PHTF2: variants seen among roughly 807,000 people sequenced by gnomAD.
PHTF2 encodes the protein putative homeodomain transcription factor 2, also known as protein PHTF2.
In PHTF2, 60 loss-of-function variants were observed where a neutral mutation model predicts 101.2. The observed-to-expected ratio is 0.59, with a 90% CI of 0.48 to 0.73. The LOEUF is 0.73. Ranked by LOEUF, PHTF2 falls within the 30% of genes least tolerant of loss-of-function variation. The pLI is 0.00. For synonymous variants in PHTF2, 311 were observed against 307.3 expected (o/e 1.01, Z -0.13); for missense variants, 747 against 908.7 (o/e 0.82, Z 2.29).
At chr7:77,820,356 T>G (rs941275044) in intron 1 of PHTF2, among the ~76,000 whole-genome samples, 4 of 152,156 alleles carry the variant, frequency 2.6e-5, no homozygotes, top group African/African-American at 9.7e-5. Context: ...TTTTGTTTTA[T>G]TCTGTTTTGT....
At chr7:77,854,255 A>G (rs1265551012) in intron 2 of PHTF2, among the ~76,000 whole-genome samples, 4 of 152,074 alleles carry the variant, frequency 2.6e-5, no homozygotes, top group Admixed American at 2.6e-4. Context: ...GACTCCCTGG[A>G]TTGTCAGGGA....
chr7:77,819,043 A>G (rs1344642200), intron 1 of PHTF2, among the ~76,000 whole-genome samples: 1 of 151,596 alleles, frequency 6.6e-6, no homozygotes, highest in Non-Finnish European at 1.5e-5. Flanking sequence ...CAGCTAGTTG[A>G]TTGTTTGTGT....
chr7:77,893,952 C>G (rs774630789), intron 4 of PHTF2, 30 bp from the exon 4 acceptor site: 4 of 1,567,810 alleles, frequency 2.6e-6, no homozygotes, highest in South Asian at 2.2e-5. Context: ...TGCTTTTTCT[C>G]CCTTTTGATG....
intron 3 of PHTF2, among the ~76,000 whole-genome samples, chr7:77,863,742 G>A (rs1055066069): frequency 6.7e-6 from 1 of 148,260 alleles, no homozygotes; most frequent in African/African-American, 2.5e-5. Flanking sequence ...TAACATTTAT[G>A]ATGTGCCTAC....
intron 11 of PHTF2, chr7:77,923,987 T>C (rs941070404): frequency 3.3e-6 from 3 of 910,716 alleles, no homozygotes; most frequent in Middle Eastern, 5.7e-4. Context: ...ACATCTTTTT[T>C]AATGATATAA....
intron 5 of PHTF2, among the ~76,000 whole-genome samples, chr7:77,897,790 C>T (rs1026621152): frequency 2.6e-5 from 4 of 152,120 alleles, no homozygotes; most frequent in African/African-American, 9.7e-5. Flanking sequence ...AAGCGATTCT[C>T]CTGCCTCAGC....
At chr7:77,907,631 T>A (rs1418560996) in intron 7 of PHTF2, among the ~76,000 whole-genome samples, 1 of 152,186 alleles carries the variant, frequency 6.6e-6, no homozygotes, top group Non-Finnish European at 1.5e-5. Flanking sequence ...GATGGTAAAT[T>A]ACATGGTCAC....
intron 3 of PHTF2, among the ~76,000 whole-genome samples, chr7:77,860,158 T>C (rs2150668347): frequency 6.6e-6 from 1 of 152,330 alleles, no homozygotes; most frequent in African/African-American, 2.4e-5. Context: ...ATTGTCTCTA[T>C]TGGGACCAAA....
chr7:77,948,357 T>C (rs1021015755), intron 16 of PHTF2, among the ~76,000 whole-genome samples: 3 of 152,068 alleles, frequency 2.0e-5, no homozygotes, highest in Non-Finnish European at 2.9e-5. Flanking sequence ...AATGGAAATA[T>C]GAGGTAAAAA....
intron 2 of PHTF2, among the ~76,000 whole-genome samples, chr7:77,844,322 A>C (rs1015158192): frequency 6.6e-6 from 1 of 152,042 alleles, no homozygotes; most frequent in African/African-American, 2.4e-5. Flanking sequence ...ACCTTTCTCC[A>C]CTAGAAAATT....
intron 16 of PHTF2, 38 bp downstream of exon 15, chr7:77,942,824 T>C: frequency 2.2e-6 from 2 of 894,338 alleles, no homozygotes; most frequent in Non-Finnish European, 3.5e-6. Flanking sequence ...TAACCAGATA[T>C]ATAAATATTA....
chr7:77,933,224 C>T (rs557248830), intron 12 of PHTF2, among the ~76,000 whole-genome samples: 3 of 152,092 alleles, frequency 2.0e-5, no homozygotes, highest in East Asian at 3.9e-4. Flanking sequence ...GGCAACAGAG[C>T]GAGACTCCGT....
chr7:77,904,600 T>C (rs1801685220), intron 7 of PHTF2, among the ~76,000 whole-genome samples: 1 of 152,218 alleles, frequency 6.6e-6, no homozygotes, highest in Admixed American at 6.5e-5. Flanking sequence ...TCCACCTTCT[T>C]GCTGTGTCTT....
At chr7:77,814,004 A>G (rs998244889) in intron 1 of PHTF2, among the ~76,000 whole-genome samples, 1 of 152,224 alleles carries the variant, frequency 6.6e-6, no homozygotes, top group Non-Finnish European at 1.5e-5. Flanking sequence ...ATCAAGAATA[A>G]TATTTAAAGC....
At chr7:77,899,188 T>A (rs1282667573) in intron 5 of PHTF2, among the ~76,000 whole-genome samples, 1 of 152,182 alleles carries the variant, frequency 6.6e-6, no homozygotes, top group Non-Finnish European at 1.5e-5. Context: ...TTTTAAGCAC[T>A]ATACTTGAGG....
chr7:77,806,444 T>C (rs1173308145), intron 1 of PHTF2, among the ~76,000 whole-genome samples: 1 of 152,232 alleles, frequency 6.6e-6, no homozygotes, highest in Non-Finnish European at 1.5e-5. Flanking sequence ...GTAATATGTT[T>C]TGCTCTGAAA....
intron 16 of PHTF2, among the ~76,000 whole-genome samples, chr7:77,948,615 A>G (rs1433203766): frequency 6.6e-6 from 1 of 152,188 alleles, no homozygotes; most frequent in Non-Finnish European, 1.5e-5. Flanking sequence ...CATACTAGAA[A>G]AAAAGTGGAT....
intron 16 of PHTF2, among the ~76,000 whole-genome samples, chr7:77,949,342 G>T (rs1293205521): frequency 6.6e-6 from 1 of 151,794 alleles, no homozygotes; most frequent in Non-Finnish European, 1.5e-5. Context: ...AACCATTATG[G>T]AAAAGATAAA....
intron 18 of PHTF2, among the ~76,000 whole-genome samples, chr7:77,952,828 TTC>T (rs917944893): frequency 1.9e-4 from 29 of 152,274 alleles, no homozygotes; most frequent in African/African-American, 6.5e-4. Context: ...CGTACCTTCT[TTC>T]TCTCTCTCTT....
Sources: gnomAD v4.1 joint callset for allele counts (sites outside exome capture counted in the v4.1 genomes callset) on GRCh38, gnomAD v4.1.1 for gene constraint, MANE v1.5 for transcripts, NCBI Gene and HGNC (gene_info 2026-07-23, HGNC 2026-07-21) for gene names.